ITFG1: variants seen among roughly 807,000 people sequenced by gnomAD.
ITFG1 encodes the protein T-cell immunomodulatory protein.
Under a neutral mutation model 81.8 loss-of-function variants are expected in ITFG1, and 34 were observed. The ratio of observed to expected loss-of-function variants is 0.42; its 90% CI spans 0.32 to 0.55. The LOEUF is 0.55. ITFG1 is among the 20% of genes least tolerant of loss of function. The pLI is 0.17. For synonymous variants in ITFG1, 285 were observed against 270.6 expected, an observed-to-expected ratio of 1.05 and a Z score of -0.52; for missense variants, 672 against 755.4, an observed-to-expected ratio of 0.89 and a Z score of 1.29.
intron 10 of ITFG1, among the ~76,000 whole-genome samples, chr16:47,278,701 C>T (rs912913166): frequency 4.6e-5 from 7 of 152,230 alleles, no homozygotes; most frequent in Non-Finnish European, 8.8e-5. Flanking sequence ...TGCTGTTACT[C>T]TAGGGAAAAG....
At chr16:47,290,335 T>C (rs1045277964) in intron 10 of ITFG1, among the ~76,000 whole-genome samples, 3 of 152,200 alleles carry the variant, frequency 2.0e-5, no homozygotes, top group Non-Finnish European at 4.4e-5. Context: ...CCATGTGGTC[T>C]AAAGGACAAT....
At chr16:47,178,176 G>GT (rs947034800) in intron 14 of ITFG1, among the ~76,000 whole-genome samples, 2 of 152,092 alleles carry the variant, frequency 1.3e-5, no homozygotes, top group Non-Finnish European at 2.9e-5. Context: ...TAAATGGATG[G>GT]TTACCCACAT....
intron 6 of ITFG1, among the ~76,000 whole-genome samples, chr16:47,383,537 C>T (rs567829210): frequency 3.9e-5 from 6 of 152,282 alleles, no homozygotes; most frequent in Middle Eastern, 6.8e-3. Context: ...CCTACACAAG[C>T]GCTACTATCC....
In ITFG1 at chr16:47,412,826, T is replaced by C. The variant is rs543543473; in HGVS notation, c.655+15978A>G. Among the ~76,000 whole-genome samples the C allele has an allele frequency of 3.3e-5, 5 of 151,300 alleles. No homozygotes were observed. In the South Asian group the frequency reaches 1.0e-3, roughly 32 times the overall value. ...TCTGCCAGACAAAAATAAAGAAAAATGAATTTTGAAAAATGAACAAAACCT... is the reference window on the plus strand; with the variant it reads ...TCTGCCAGACAAAAATAAAGAAAAACGAATTTTGAAAAATGAACAAAACCT... On this transcript the variant is annotated intron_variant, in intron 6 of 17. Coordinates refer to ENST00000320640, the MANE Select transcript of ITFG1 (RefSeq NM_030790.5).
At chr16:47,444,946 A>G (rs1969304096) in intron 5 of ITFG1, among the ~76,000 whole-genome samples, 1 of 151,954 alleles carries the variant, frequency 6.6e-6, no homozygotes, top group African/African-American at 2.4e-5. Context: ...TCTCAACAAT[A>G]ATGGATTTTT....
chr16:47,393,074 T>C (rs115253492), intron 6 of ITFG1, among the ~76,000 whole-genome samples: 182 of 152,284 alleles, frequency 1.2e-3, no homozygotes, highest in African/African-American at 4.2e-3. Flanking sequence ...ACAGATAAAT[T>C]TGACCAGCTA....
intron 10 of ITFG1, among the ~76,000 whole-genome samples, chr16:47,271,040 A>C (rs1966333562): frequency 6.6e-6 from 1 of 152,194 alleles, no homozygotes; most frequent in Non-Finnish European, 1.5e-5. Flanking sequence ...AAGATAAGTA[A>C]TTTACTCTGC....
chr16:47,240,912 A>G (rs1210231971), intron 12 of ITFG1, among the ~76,000 whole-genome samples: 1 of 152,168 alleles, frequency 6.6e-6, no homozygotes, highest in Non-Finnish European at 1.5e-5. Context: ...TTTAATGGGT[A>G]TAGAGTTTCA....
At chr16:47,381,990 G>C (rs1468942180) in intron 6 of ITFG1, among the ~76,000 whole-genome samples, 1 of 152,212 alleles carries the variant, frequency 6.6e-6, no homozygotes, top group Non-Finnish European at 1.5e-5. Flanking sequence ...ACAGTAGTAA[G>C]TGAGGGAACT....
At chr16:47,218,411 A>AT (rs1295872955) in intron 14 of ITFG1, 4 of 151,934 alleles carry the variant, frequency 2.6e-5, no homozygotes, top group East Asian at 3.8e-4. Flanking sequence ...GTATAACCAG[A>AT]TTTTTTCTTT....
chr16:47,371,699 G>C (rs1282058733), intron 7 of ITFG1, among the ~76,000 whole-genome samples: 1 of 152,140 alleles, frequency 6.6e-6, no homozygotes, highest in Non-Finnish European at 1.5e-5. Context: ...AGTCCCCTGA[G>C]AACATCTGGC....
At chr16:47,373,034 C>A (rs1968277701) in intron 7 of ITFG1, among the ~76,000 whole-genome samples, 1 of 152,164 alleles carries the variant, frequency 6.6e-6, no homozygotes, top group African/African-American at 2.4e-5. Flanking sequence ...ACAATAGCTT[C>A]TCAGTAGATT....
chr16:47,241,355 T>C (rs955636296), intron 12 of ITFG1, among the ~76,000 whole-genome samples: 3 of 152,224 alleles, frequency 2.0e-5, no homozygotes, highest in African/African-American at 4.8e-5. Context: ...TCAGTGTTCA[T>C]AGCAGTATTA....
intron 8 of ITFG1, among the ~76,000 whole-genome samples, chr16:47,351,666 G>A (rs546923600): frequency 1.3e-5 from 2 of 152,070 alleles, no homozygotes; most frequent in African/African-American, 4.8e-5. Context: ...AGTGCCATCC[G>A]CATCAAGCTA....
intron 6 of ITFG1, among the ~76,000 whole-genome samples, chr16:47,387,596 AGTCTCCT>A (rs1331895500): frequency 2.0e-5 from 3 of 152,140 alleles, no homozygotes; most frequent in African/African-American, 7.2e-5. Flanking sequence ...CTTCCAAGGC[AGTCTCCT>A]GTCCTTGATC....
At chr16:47,371,447 C>CCA (rs1481917243) in intron 7 of ITFG1, among the ~76,000 whole-genome samples, 2 of 152,108 alleles carry the variant, frequency 1.3e-5, no homozygotes, top group Non-Finnish European at 2.9e-5. Context: ...AGCAGTTAAC[C>CCA]CACACCTGTT....
At chr16:47,402,319 G>C (rs1968671809) in intron 6 of ITFG1, among the ~76,000 whole-genome samples, 1 of 152,100 alleles carries the variant, frequency 6.6e-6, no homozygotes. Context: ...ATCTGTAAAA[G>C]TGCATGGTGT....
chr16:47,338,032 C>T (rs561819380), intron 8 of ITFG1, among the ~76,000 whole-genome samples: 7 of 152,292 alleles, frequency 4.6e-5, no homozygotes, highest in African/African-American at 7.2e-5. Flanking sequence ...TAGATGAACA[C>T]GAACTGAAGG....
intron 14 of ITFG1, among the ~76,000 whole-genome samples, chr16:47,207,477 T>C (rs879329278): frequency 9.2e-5 from 14 of 152,036 alleles, no homozygotes; most frequent in African/African-American, 3.4e-4. Context: ...AGGGGAATAG[T>C]GAGGAGTGGG....
Sources: allele counts gnomAD v4.1 joint callset (sites outside exome capture counted in the v4.1 genomes callset), GRCh38; gene constraint gnomAD v4.1.1; transcripts MANE v1.5; gene names NCBI Gene and HGNC (gene_info 2026-07-23, HGNC 2026-07-21).